Variants in SCAPER observed in about 807,000 individuals in gnomAD.
SCAPER encodes the protein S phase cyclin A-associated protein in the endoplasmic reticulum.
A neutral mutation model predicts 182.2 loss-of-function variants in SCAPER; 98 were observed. That is an observed-to-expected ratio of 0.54 (90% confidence interval 0.46 to 0.64). SCAPER has a LOEUF of 0.64. Ranked by LOEUF, SCAPER falls within the 30% of genes least tolerant of loss-of-function variation. The pLI is 0.00. For missense variants in SCAPER, 1,432 were observed against 1,690.0 expected, an observed-to-expected ratio of 0.85 and a Z score of 2.68; for synonymous variants, 605 against 564.6, an observed-to-expected ratio of 1.07 and a Z score of -1.01.
chr15:76,456,557 G>A (rs1187105334), intron 25 of SCAPER, among the ~76,000 whole-genome samples: 1 of 152,124 alleles, frequency 6.6e-6, no homozygotes, highest in Non-Finnish European at 1.5e-5. Flanking sequence ...AAGAATGTGT[G>A]TATTCTACAG....
intron 26 of SCAPER, 66 bp downstream of exon 26, chr15:76,434,012 G>C: frequency 7.4e-7 from 1 of 1,358,792 alleles, no homozygotes; most frequent in Non-Finnish European, 1.0e-6. Flanking sequence ...TGGGCCTTGA[G>C]ATTTAAATTA....
intron 17 of SCAPER, among the ~76,000 whole-genome samples, chr15:76,726,156 A>ATGTATATATATATAT (rs56986282): frequency 1.3e-5 from 1 of 79,724 alleles, no homozygotes; most frequent in African/African-American, 5.2e-5. Flanking sequence ...TATATATATA[A>ATGTATATATATATAT]AAAACTCTAT....
At chr15:76,899,405 C>T (rs2074625589) in intron 1 of SCAPER, among the ~76,000 whole-genome samples, 1 of 152,242 alleles carries the variant, frequency 6.6e-6, no homozygotes, top group South Asian at 2.1e-4. Context: ...CTCGGATGAA[C>T]TGCCCGCCTC....
chr15:76,425,667 G>A (rs954311046), intron 26 of SCAPER, among the ~76,000 whole-genome samples: 43 of 152,294 alleles, frequency 2.8e-4, no homozygotes, highest in African/African-American at 8.7e-4. Context: ...GAGGAGCTGC[G>A]TTCCTTTGGA....
intron 23 of SCAPER, among the ~76,000 whole-genome samples, chr15:76,573,770 T>C (rs2047618993): frequency 6.6e-6 from 1 of 152,116 alleles, no homozygotes; most frequent in African/African-American, 2.4e-5. Flanking sequence ...GCCAAATCTG[T>C]TGGAATCAGG....
At chr15:76,649,303 G>A (rs938916283) in intron 21 of SCAPER, among the ~76,000 whole-genome samples, 1 of 152,026 alleles carries the variant, frequency 6.6e-6, no homozygotes, top group South Asian at 2.1e-4. Context: ...ATGGTGGCAT[G>A]CCTGTAGTAC....
chr15:76,865,538 A>G (rs1025943216), intron 2 of SCAPER, among the ~76,000 whole-genome samples: 1 of 152,146 alleles, frequency 6.6e-6, no homozygotes, highest in Admixed American at 6.5e-5. Context: ...ATAAATAAAC[A>G]GAATGGATTT....
At chr15:76,877,053 T>C (rs950369945) in intron 2 of SCAPER, among the ~76,000 whole-genome samples, 16 of 151,992 alleles carry the variant, frequency 1.1e-4, no homozygotes, top group East Asian at 9.7e-4. Context: ...CTGGGAAACA[T>C]AGGGAGACCC....
chr15:76,824,577 T>C (rs2151671143), intron 5 of SCAPER, among the ~76,000 whole-genome samples: 1 of 152,338 alleles, frequency 6.6e-6, no homozygotes, highest in South Asian at 2.1e-4. Flanking sequence ...TAAAACATTA[T>C]TTTTTAAGAA....
At chr15:76,591,288 G>C (rs539512727) in intron 22 of SCAPER, among the ~76,000 whole-genome samples, 1 of 147,908 alleles carries the variant, frequency 6.8e-6, no homozygotes, top group South Asian at 2.1e-4. Context: ...CCTTCCGAGT[G>C]CAGGCTGCAC....
At chr15:76,621,002 CTTAAAA>C (rs1267952467) in intron 22 of SCAPER, among the ~76,000 whole-genome samples, 2 of 152,156 alleles carry the variant, frequency 1.3e-5, no homozygotes, top group East Asian at 1.9e-4. Flanking sequence ...TACTGCAGAA[CTTAAAA>C]TTAAAAAAAA....
At chr15:76,433,081 A>G (rs2046970167) in intron 26 of SCAPER, among the ~76,000 whole-genome samples, 1 of 152,208 alleles carries the variant, frequency 6.6e-6, no homozygotes, top group Non-Finnish European at 1.5e-5. Context: ...TTGTTGTTTT[A>G]AGTCTGAACC....
At chr15:76,434,461 C>A (rs560348658) in intron 25 of SCAPER, among the ~76,000 whole-genome samples, 151 bp from the exon 26 acceptor site, 23 of 152,236 alleles carry the variant, frequency 1.5e-4, no homozygotes, top group African/African-American at 5.1e-4. Flanking sequence ...AAGTTCAAAT[C>A]TGAGCTTTAC....
chr15:76,599,985 A>G (rs2049793021), intron 22 of SCAPER, among the ~76,000 whole-genome samples: 1 of 121,684 alleles, frequency 8.2e-6, no homozygotes, highest in Non-Finnish European at 2.0e-5. Context: ...GAAATACTGG[A>G]GGAGGAATAT....
At chr15:76,883,478 A>G (rs555839534) in intron 2 of SCAPER, among the ~76,000 whole-genome samples, 1 of 152,304 alleles carries the variant, frequency 6.6e-6, no homozygotes, top group East Asian at 1.9e-4. Context: ...GGTTCCTTTA[A>G]GACTTGGCTA....
At chr15:76,873,037 G>T (rs547325225) in intron 2 of SCAPER, among the ~76,000 whole-genome samples, 9 of 149,136 alleles carry the variant, frequency 6.0e-5, no homozygotes, top group African/African-American at 2.0e-4. Flanking sequence ...ATCACTTAAG[G>T]TCTAGAGTTC....
chr15:76,563,787 G>A (rs764079396), intron 23 of SCAPER, among the ~76,000 whole-genome samples: 4 of 152,092 alleles, frequency 2.6e-5, no homozygotes, highest in African/African-American at 4.8e-5. Flanking sequence ...TCCAAATCCA[G>A]CAACACATCA....
intron 10 of SCAPER, among the ~76,000 whole-genome samples, chr15:76,769,297 G>C (rs1421106184): frequency 6.6e-6 from 1 of 151,856 alleles, no homozygotes; most frequent in African/African-American, 2.4e-5. Flanking sequence ...CAAAAAATTA[G>C]CCAGGCGTGG....
At chr15:76,562,022 T>A (rs1183199285) in intron 23 of SCAPER, among the ~76,000 whole-genome samples, 1 of 151,326 alleles carries the variant, frequency 6.6e-6, no homozygotes, top group African/African-American at 2.4e-5. Context: ...GGCACGTGCC[T>A]ATAATCCCCC....
Sources: allele counts gnomAD v4.1 joint callset (sites outside exome capture counted in the v4.1 genomes callset), GRCh38; gene constraint gnomAD v4.1.1; transcripts MANE v1.5; gene names NCBI Gene and HGNC (gene_info 2026-07-23, HGNC 2026-07-21).